TRIM2: variants seen among roughly 807,000 people sequenced by gnomAD.
TRIM2 encodes the protein tripartite motif-containing protein 2.
Under a neutral mutation model 75.2 loss-of-function variants are expected in TRIM2, and 20 were observed. The ratio of observed to expected loss-of-function variants is 0.27; its 90% CI spans 0.19 to 0.39. The LOEUF is 0.39. TRIM2 is among the 10% of genes least tolerant of loss of function. TRIM2 has a pLI of 1.00. For missense variants in TRIM2, 660 were observed against 990.8 expected, an observed-to-expected ratio of 0.67 and a Z score of 4.48; for synonymous variants, 373 against 388.3, an observed-to-expected ratio of 0.96 and a Z score of 0.46.
At chr4:153,187,883 G>A (rs887216171) in intron 1 of TRIM2, among the ~76,000 whole-genome samples, 1 of 152,156 alleles carries the variant, frequency 6.6e-6, no homozygotes, top group African/African-American at 2.4e-5. Context: ...TCAGACGTCC[G>A]CCAAGTCCTG....
chr4:153,218,548 C>G (rs1739107886), intron 1 of TRIM2, among the ~76,000 whole-genome samples: 1 of 152,132 alleles, frequency 6.6e-6, no homozygotes, highest in Admixed American at 6.5e-5. Context: ...TCCAAATTTT[C>G]TAGAATATTT....
In TRIM2 at chr4:153,263,188, G is replaced by C. The variant is rs1213701036; in HGVS notation, c.31-7147G>C. 3.2e-4 allele frequency among the ~76,000 whole-genome samples: 49 copies of C among 152,176 alleles called. 1 individual carries two copies. The highest frequency in any genetic ancestry group is 3.2e-3 in the Admixed American group (49 of 15,280). ...CTACAAAAATACAAAAATTAGCTGGGTGTGGTGGTGCCCACTTGTGGTCCC... is the reference window on the plus strand; with the variant it reads ...CTACAAAAATACAAAAATTAGCTGGCTGTGGTGGTGCCCACTTGTGGTCCC... On this transcript the variant is annotated intron_variant, in intron 1 of 11. Transcript: ENST00000338700.
rs1021740189 is a variant in TRIM2, at chr4:153,319,739, A to AT, written c.1783-2909_1783-2908insT. Among the ~76,000 whole-genome samples, 271 of 151,304 alleles carry AT rather than the reference A, an allele frequency of 1.8e-3. 1 individual carries two copies. Among genetic ancestry groups the AT allele is most frequent in the Middle Eastern group, 6.8e-3 (2 of 292 alleles). ...GAGCAAAACTCTGTCTCAAAAAAAA[A>AT]ATATATATATATATTTTTTGTTGTT... On this transcript the variant is annotated intron_variant, in intron 8 of 11. Transcript: ENST00000338700.
chr4:153,188,749 CAAA>C (rs78429668), intron 1 of TRIM2, among the ~76,000 whole-genome samples: 1 of 125,498 alleles, frequency 8.0e-6, no homozygotes, highest in African/African-American at 3.0e-5. Flanking sequence ...TCCCTGAAAA[CAAA>C]AAAAAAAAAA....
chr4:153,271,044 A>G (rs1043997234), intron 2 of TRIM2, among the ~76,000 whole-genome samples: 5 of 152,318 alleles, frequency 3.3e-5, no homozygotes, highest in African/African-American at 9.6e-5. Flanking sequence ...TTACCTGACT[A>G]TGTAATTTGC....
At chr4:153,296,319 C>A (rs1762760922) in intron 6 of TRIM2, among the ~76,000 whole-genome samples, 1 of 152,200 alleles carries the variant, frequency 6.6e-6, no homozygotes, top group Non-Finnish European at 1.5e-5. Context: ...TAGGAAATTA[C>A]AAGCTGAAAA....
At chr4:153,160,217 A>G (rs13109312) in intron 1 of TRIM2, among the ~76,000 whole-genome samples, 67,794 of 151,988 alleles carry the variant, frequency 0.45, 16,207 homozygotes, top group Non-Finnish European at 0.55. Context: ...TAATTCCCTT[A>G]AGTTAGTCTT....
Position 153,295,355 on chromosome 4 carries a change from A to G in TRIM2, c.829A>G (p.Ser277Gly). The change falls in exon 6 of 12, where the codon AGC becomes GGC. Residue 277 changes from serine to glycine, a missense_variant. Physicochemically the swap from Ser to Gly is moderately conservative, Grantham distance 56. This residue lies in a region of TRIM2 where 620 missense variants were observed against 891.0 expected (regional missense o/e 0.70). Transcript: ENST00000338700. This position sits in a 1 kb window ranked among gnomAD's most constrained non-coding sequence, Gnocchi z 7.2. The stretch of plus-strand genomic sequence containing the variant: ...GGATACTCTGCTCCAGGGGCAGGAG[A>G]GCATTAAGAGCTGCAGCAACTTCAC... ...QLDTLLQGQE[S>G]IKSCSNFTAQ... 6.2e-7 allele frequency: 1 copy of G among 1,612,516 alleles called. No individual in the cohort carries two copies. The highest frequency in any genetic ancestry group is 8.5e-7 in the Non-Finnish European group (1 of 1,179,232).
intron 1 of TRIM2, among the ~76,000 whole-genome samples, chr4:153,230,588 A>G (rs1164280127): frequency 6.6e-6 from 1 of 152,246 alleles, no homozygotes; most frequent in African/African-American, 2.4e-5. Context: ...TTATTGTACC[A>G]CAGCTGGAAA....
chr4:153,205,929 A>G (rs538020989), intron 1 of TRIM2, among the ~76,000 whole-genome samples: 2 of 152,330 alleles, frequency 1.3e-5, no homozygotes, highest in African/African-American at 2.4e-5. Flanking sequence ...AGAGCCCTGG[A>G]GAGGGATGAG....
At chr4:153,332,674 G>A (rs1255783197) in intron 11 of TRIM2, among the ~76,000 whole-genome samples, 2 of 151,028 alleles carry the variant, frequency 1.3e-5, no homozygotes, top group Non-Finnish European at 3.0e-5. Flanking sequence ...ACGAGCAAAA[G>A]GCATAAAGAG....
intron 1 of TRIM2, among the ~76,000 whole-genome samples, chr4:153,224,526 C>G (rs1741603767): frequency 6.6e-6 from 1 of 152,124 alleles, no homozygotes; most frequent in Non-Finnish European, 1.5e-5. Context: ...CTGTATAATC[C>G]CATTTAGCTA....
intron 6 of TRIM2, among the ~76,000 whole-genome samples, chr4:153,313,761 C>G (rs559819214): frequency 8.0e-5 from 12 of 150,796 alleles, no homozygotes; most frequent in African/African-American, 3.0e-4. Context: ...CTCAGCCTAC[C>G]GAGTAGCTGG....
chr4:153,192,945 T>C (rs1003399216), intron 1 of TRIM2, among the ~76,000 whole-genome samples: 2 of 152,170 alleles, frequency 1.3e-5, no homozygotes, highest in African/African-American at 4.8e-5. Flanking sequence ...CCCAATCCTC[T>C]TTTAAAGCTG....
chr4:153,216,504 G>A (rs1349300468), intron 1 of TRIM2, among the ~76,000 whole-genome samples: 1 of 152,204 alleles, frequency 6.6e-6, no homozygotes, highest in Non-Finnish European at 1.5e-5. Flanking sequence ...AAGGGCTGCA[G>A]AATAAGAGGG....
At chr4:153,228,712 A>G (rs984161286) in intron 1 of TRIM2, among the ~76,000 whole-genome samples, 4 of 152,272 alleles carry the variant, frequency 2.6e-5, no homozygotes, top group Non-Finnish European at 5.9e-5. Flanking sequence ...TGAGCCTTCA[A>G]TGATAAATGT....
intron 3 of TRIM2, among the ~76,000 whole-genome samples, chr4:153,286,755 A>G (rs933223614): frequency 1.1e-5 from 1 of 88,764 alleles, no homozygotes; most frequent in Non-Finnish European, 2.3e-5. Flanking sequence ...ACACACACCC[A>G]CCACCCCGCA....
At position 153,337,732 on chromosome 4, in the gene TRIM2, T is replaced by C; in HGVS notation, c.*2766T>C. ...TAAAATAAGTGGCTTTTTTCTGGGC[T>C]ACCATTATTGTTTGATTTCTCTTTG... On this transcript the variant is annotated 3_prime_UTR_variant, in exon 12 of 12. Transcript: ENST00000338700. The C allele has an allele frequency of 2.0e-6, 2 of 985,894 alleles. No homozygotes were observed. Among genetic ancestry groups the C allele is most frequent in the Non-Finnish European group, 2.4e-6 (2 of 829,946 alleles). The allele number at this position is 985,894 out of a possible 1,614,324, so 61.1% of individuals were successfully genotyped here. A position where few individuals can be genotyped will look rare whatever the true frequency, so the allele number is the denominator to read the frequency against.
At chr4:153,283,968 C>A (rs1366509179) in intron 3 of TRIM2, among the ~76,000 whole-genome samples, 2 of 140,908 alleles carry the variant, frequency 1.4e-5, no homozygotes, top group Admixed American at 1.5e-4. Context: ...CTCCTGGGTT[C>A]AAGCAATTCT....
Sources: gnomAD v4.1 joint callset for allele counts (sites outside exome capture counted in the v4.1 genomes callset) on GRCh38, gnomAD v4.1.1 for gene constraint, gnomAD v4.1.1 regional missense constraint, Gnocchi (gnomAD v3.1) non-coding constraint, MANE v1.5 for transcripts, NCBI Gene and HGNC (gene_info 2026-07-23, HGNC 2026-07-21) for gene names.